Variants in DEPTOR observed in about 807,000 individuals in gnomAD.
The protein encoded by DEPTOR is DEP domain-containing mTOR-interacting protein.
Under a neutral mutation model 41.6 loss-of-function variants are expected in DEPTOR, and 41 were observed. The ratio of observed to expected loss-of-function variants is 0.98; its 90% CI spans 0.77 to 1.28. The LOEUF (loss-of-function observed/expected upper bound fraction) is 1.28. Among genes scored for constraint, DEPTOR ranks in the 50% most tolerant of loss-of-function variants. The pLI is 0.00. For synonymous variants in DEPTOR, 195 were observed against 192.3 expected, an observed-to-expected ratio of 1.01 and a Z score of -0.12; for missense variants, 514 against 527.9, an observed-to-expected ratio of 0.97 and a Z score of 0.26.
intron 1 of DEPTOR, among the ~76,000 whole-genome samples, chr8:119,916,453 T>C (rs1464904362): frequency 6.6e-6 from 1 of 151,998 alleles, no homozygotes; most frequent in Non-Finnish European, 1.5e-5. Context: ...GCTCTGATAG[T>C]GTATTATGGT....
At chr8:119,980,845 T>C (rs1486075578) in intron 4 of DEPTOR, among the ~76,000 whole-genome samples, 2 of 152,144 alleles carry the variant, frequency 1.3e-5, no homozygotes, top group African/African-American at 4.8e-5. Flanking sequence ...CCCTTATCTC[T>C]GTGATCTTTG....
chr8:120,005,978 C>T (rs1812431594), intron 6 of DEPTOR, among the ~76,000 whole-genome samples: 1 of 152,018 alleles, frequency 6.6e-6, no homozygotes, highest in Admixed American at 6.6e-5. Flanking sequence ...GTGTCTAATG[C>T]CTGAGTTTGA....
At chr8:119,893,445 G>T (rs974716069) in intron 1 of DEPTOR, among the ~76,000 whole-genome samples, 7 of 152,192 alleles carry the variant, frequency 4.6e-5, no homozygotes, top group African/African-American at 1.7e-4. Context: ...GTTCCTTCAT[G>T]TTGTTCCTGT....
At chr8:120,022,532 C>A (rs11785711) in intron 8 of DEPTOR, among the ~76,000 whole-genome samples, 17,606 of 151,968 alleles carry the variant, frequency 0.12, 1,374 homozygotes, top group Non-Finnish European at 0.17. Flanking sequence ...GAGAAAGGGT[C>A]AGTCTTGAGG....
chr8:119,965,376 C>A lies in DEPTOR; in HGVS notation c.570C>A (p.Cys190Ter), dbSNP rs1211497618. The change falls in exon 4 of 9, where the codon TGC becomes TGA. Residue 190 changes from cysteine to a stop codon, truncating the protein, a stop_gained. Transcript: ENST00000286234. LOFTEE classifies it high-confidence loss of function. ...ATTRKEAEQL[C>*]HRLMEHGIIQ... The stretch of plus-strand genomic sequence containing the variant: ...CGAGGAAAGAGGCAGAGCAGCTTTG[C>A]CACCGGCTTATGGAGCATGGCATCA... 6.2e-7 allele frequency: 1 copy of A among 1,613,994 alleles called. No homozygotes were observed. The highest frequency in any genetic ancestry group is 1.1e-5 in the South Asian group (1 of 91,070).
Position 119,983,226 on chromosome 8 carries a change from A to G in DEPTOR, c.604+17816A>G, listed in dbSNP as rs550076639. ...AGGGAGCTATCTGTACTATCTTTGC[A>G]GCTTTTCTTTTTTTTCTTTCTTTTT... is the stretch of plus-strand genomic sequence containing the variant. On this transcript the variant is annotated intron_variant, in intron 4 of 8. Coordinates refer to ENST00000286234, the MANE Select transcript of DEPTOR (RefSeq NM_022783.4). Among the ~76,000 whole-genome samples, 204 of 151,922 alleles carry G rather than the reference A, an allele frequency of 1.3e-3. 1 individual carries two copies. Among genetic ancestry groups the G allele is most frequent in the African/African-American group, 4.3e-3 (179 of 41,410 alleles).
chr8:119,951,072 A>AAC (rs35455263), intron 3 of DEPTOR, among the ~76,000 whole-genome samples: 56,604 of 141,378 alleles, frequency 0.4, 11,492 homozygotes, highest in Admixed American at 0.54. Context: ...CACACACACA[A>AAC]ACACACACAC....
chr8:119,889,497 T>C (rs1355815145), intron 1 of DEPTOR, among the ~76,000 whole-genome samples: 3 of 147,620 alleles, frequency 2.0e-5, no homozygotes, highest in Non-Finnish European at 4.5e-5. Context: ...CAGTGAGCCA[T>C]GTTCGGGCTA....
At chr8:119,932,888 A>G (rs1225412101) in intron 3 of DEPTOR, among the ~76,000 whole-genome samples, 11 of 152,182 alleles carry the variant, frequency 7.2e-5, no homozygotes, top group Non-Finnish European at 1.6e-4. Flanking sequence ...GGGAACGGTA[A>G]GGATAAAGGC....
intron 6 of DEPTOR, among the ~76,000 whole-genome samples, chr8:120,003,654 A>G (rs1812390769): frequency 6.6e-6 from 1 of 152,164 alleles, no homozygotes; most frequent in African/African-American, 2.4e-5. Context: ...AACACCCTTA[A>G]GGAAGAAGCA....
At chr8:120,041,753 G>A (rs2130200096) in intron 8 of DEPTOR, among the ~76,000 whole-genome samples, 1 of 152,198 alleles carries the variant, frequency 6.6e-6, no homozygotes, top group African/African-American at 2.4e-5. Context: ...GGCCAGGCTG[G>A]TCTTGAACTC....
chr8:119,966,255 A>G (rs2129971229), intron 4 of DEPTOR, among the ~76,000 whole-genome samples: 1 of 152,258 alleles, frequency 6.6e-6, no homozygotes, highest in Non-Finnish European at 1.5e-5. Flanking sequence ...ACCTGAGGTG[A>G]GGAGTTCAAG....
chr8:120,002,791 A>AAAAATATATATATATATATATAT, intron 5 of DEPTOR, among the ~76,000 whole-genome samples, 186 bp from the exon 6 acceptor site: 2 of 60,672 alleles, frequency 3.3e-5, no homozygotes, highest in African/African-American at 7.6e-5. Flanking sequence ...AAAAAAAAAA[A>AAAAATATATATATATATATATAT]ATATATATAT....
intron 1 of DEPTOR, among the ~76,000 whole-genome samples, chr8:119,881,627 G>T (rs1827299071): frequency 1.3e-5 from 2 of 151,864 alleles, no homozygotes. Flanking sequence ...TACACAACAG[G>T]ACAAGGAGAA....
chr8:120,047,228 G>A (rs1813165583), intron 8 of DEPTOR, among the ~76,000 whole-genome samples: 1 of 151,658 alleles, frequency 6.6e-6, no homozygotes, highest in South Asian at 2.1e-4. Flanking sequence ...CACCATGTTG[G>A]CCAGGCTGGT....
intron 4 of DEPTOR, among the ~76,000 whole-genome samples, chr8:119,983,209 AT>A (rs1828788785): frequency 6.6e-6 from 1 of 152,008 alleles, no homozygotes; most frequent in Non-Finnish European, 1.5e-5. Context: ...TAAGGGAGCT[AT>A]CTGTACTATC....
At chr8:119,917,229 C>A (rs1011749261) in intron 1 of DEPTOR, among the ~76,000 whole-genome samples, 8 of 152,176 alleles carry the variant, frequency 5.3e-5, no homozygotes, top group African/African-American at 1.9e-4. Context: ...AGCAAACATG[C>A]CCTCTTATAT....
chr8:119,960,919 G>A (rs1006112673), intron 3 of DEPTOR, among the ~76,000 whole-genome samples: 2 of 152,082 alleles, frequency 1.3e-5, no homozygotes, highest in African/African-American at 4.8e-5. Flanking sequence ...GGGAGGCGGA[G>A]GTTGCACTGA....
In DEPTOR at chr8:119,873,925, C is replaced by T; in HGVS notation, c.79C>T (p.Leu27=). The change falls in exon 1 of 9, where the codon CTG becomes TTG. Residue 27 remains leucine, a synonymous_variant. Coordinates refer to ENST00000286234, the MANE Select transcript of DEPTOR (RefSeq NM_022783.4). ...SGSGGAQQRE[L]ERMAEVLVTG... ...GAGTGGCGGGGCGCAGCAAAGGGAG[C>T]TGGAGCGCATGGCTGAGGTCTTGGT... 6.2e-7 allele frequency: 1 copy of T among 1,613,706 alleles called. No individual in the cohort carries two copies. The highest frequency in any genetic ancestry group is 8.5e-7 in the Non-Finnish European group (1 of 1,179,826).
Sources: allele counts gnomAD v4.1 joint callset (sites outside exome capture counted in the v4.1 genomes callset), GRCh38; gene constraint gnomAD v4.1.1; transcripts MANE v1.5; gene names NCBI Gene and HGNC (gene_info 2026-07-23, HGNC 2026-07-21).